PALLD: variants seen among roughly 807,000 people sequenced by gnomAD.
The protein encoded by PALLD is palladin, cytoskeletal associated protein.
A neutral mutation model predicts 123.5 loss-of-function variants in PALLD; 61 were observed. The observed-to-expected ratio is 0.49, with a 90% CI of 0.40 to 0.61. PALLD has a LOEUF of 0.61. Among genes scored for constraint, PALLD ranks in the 20% least tolerant of loss-of-function variants. The probability of loss-of-function intolerance (pLI) is 0.00; values close to 1 mark genes in which losing one functional copy is unlikely to be tolerated. For synonymous variants in PALLD, 465 were observed against 496.4 expected (o/e 0.94, Z 0.84); for missense variants, 1,273 against 1,377.0 (o/e 0.92, Z 1.20).
intron 2 of PALLD, among the ~76,000 whole-genome samples, chr4:168,569,082 A>G (rs568928943): frequency 6.6e-6 from 1 of 152,156 alleles, no homozygotes; most frequent in Non-Finnish European, 1.5e-5. Context: ...AAATATCTGT[A>G]GCAGCTCTAC....
At chr4:168,724,613 TAAA>T (rs1786363235) in intron 10 of PALLD, among the ~76,000 whole-genome samples, 1 of 152,262 alleles carries the variant, frequency 6.6e-6, no homozygotes, top group African/African-American at 2.4e-5. Flanking sequence ...ATGAACATAT[TAAA>T]TTGATTCTGT....
At chr4:168,623,219 A>G (rs1774928044) in intron 2 of PALLD, among the ~76,000 whole-genome samples, 1 of 152,218 alleles carries the variant, frequency 6.6e-6, no homozygotes, top group East Asian at 1.9e-4. Context: ...TACTACCTGA[A>G]GGATCCAAAG....
intron 10 of PALLD, among the ~76,000 whole-genome samples, chr4:168,827,092 G>C (rs1222655259): frequency 1.3e-5 from 2 of 152,194 alleles, no homozygotes; most frequent in Non-Finnish European, 2.9e-5. Context: ...CATAGCATTT[G>C]ATGTCCACTG....
intron 10 of PALLD, among the ~76,000 whole-genome samples, chr4:168,862,937 G>A (rs1749707403): frequency 6.6e-6 from 1 of 152,164 alleles, no homozygotes; most frequent in Non-Finnish European, 1.5e-5. Context: ...TTCCATGAGG[G>A]AGTGGGTCTG....
At chr4:168,692,650 A>G (rs955096254) in intron 8 of PALLD, among the ~76,000 whole-genome samples, 1 of 152,222 alleles carries the variant, frequency 6.6e-6, no homozygotes, top group African/African-American at 2.4e-5. Context: ...ATCTACAAGA[A>G]ATAGCTTTTT....
chr4:168,606,303 C>T (rs909740262), intron 2 of PALLD, among the ~76,000 whole-genome samples: 6 of 152,102 alleles, frequency 3.9e-5, no homozygotes, highest in African/African-American at 9.7e-5. Flanking sequence ...TTCAGACCCT[C>T]GCCACCCAGG....
intron 10 of PALLD, among the ~76,000 whole-genome samples, chr4:168,874,226 C>T (rs1343988902): frequency 6.6e-6 from 1 of 152,210 alleles, no homozygotes; most frequent in Non-Finnish European, 1.5e-5. Flanking sequence ...AACTGTGACT[C>T]TAGCCCTTTT....
At chr4:168,745,612 A>C (rs1481263046) in intron 10 of PALLD, among the ~76,000 whole-genome samples, 1 of 152,096 alleles carries the variant, frequency 6.6e-6, no homozygotes, top group East Asian at 1.9e-4. Flanking sequence ...TTAGAGTTTA[A>C]TGGTATTTTC....
At position 168,852,599 on chromosome 4, in the gene PALLD, C is replaced by T. The variant is rs563425881; in HGVS notation, c.1965-38323C>T. ...AAGGCTGCAGTGAGCCGTGACTATG[C>T]CACTGCACACTCCAGCCTGGGCAAC... On this transcript the variant is annotated intron_variant, in intron 10 of 21. Transcript: ENST00000505667. 4.6e-5 allele frequency among the ~76,000 whole-genome samples: 7 copies of T among 152,242 alleles called. No individual in the cohort carries two copies. In the East Asian group the frequency reaches 1.2e-3, roughly 25 times the overall value.
rs145438121 is a variant in PALLD at position 168,558,402 on chromosome 4, C to A, written c.908+45990C>A. ...GCCAGCCCTCTGGGTATCCCACATG[C>A]AAGGAAGGCATTTCAAAGCGGTAGA... On this transcript the variant is annotated intron_variant, in intron 2 of 21. Transcript: ENST00000505667. Among the ~76,000 whole-genome samples, 119 of 152,280 alleles carry A rather than the reference C, an allele frequency of 7.8e-4. 2 individuals are homozygous for A. Among genetic ancestry groups the A allele is most frequent in the African/African-American group, 2.6e-3 (107 of 41,552 alleles).
intron 10 of PALLD, among the ~76,000 whole-genome samples, chr4:168,785,607 A>G (rs1736599573): frequency 6.6e-6 from 1 of 151,864 alleles, no homozygotes; most frequent in Non-Finnish European, 1.5e-5. Flanking sequence ...AAAGTTCTAT[A>G]TAAGCTTAAT....
At chr4:168,786,246 T>C (rs1736737654) in intron 10 of PALLD, among the ~76,000 whole-genome samples, 1 of 152,054 alleles carries the variant, frequency 6.6e-6, no homozygotes, top group Admixed American at 6.6e-5. Context: ...GAGAATCGCT[T>C]GAACCCGGGA....
chr4:168,925,930 A>G (rs1762498495), intron 21 of PALLD, among the ~76,000 whole-genome samples: 1 of 149,640 alleles, frequency 6.7e-6, no homozygotes, highest in African/African-American at 2.5e-5. Flanking sequence ...CTTATCAGCT[A>G]TTCCAAAGGA....
chr4:168,771,656 C>T (rs766036158), intron 10 of PALLD, among the ~76,000 whole-genome samples: 2 of 152,164 alleles, frequency 1.3e-5, no homozygotes, highest in Non-Finnish European at 2.9e-5. Context: ...GGTGCCCACA[C>T]CATAGAGGGC....
intron 10 of PALLD, among the ~76,000 whole-genome samples, chr4:168,713,603 CTT>C (rs1785045693): frequency 2.6e-5 from 4 of 152,286 alleles, no homozygotes; most frequent in Admixed American, 2.6e-4. Context: ...TTTAGCTCTG[CTT>C]TGCAGCCAGG....
intron 2 of PALLD, among the ~76,000 whole-genome samples, chr4:168,597,565 T>C (rs890797211): frequency 3.9e-5 from 6 of 152,124 alleles, no homozygotes; most frequent in African/African-American, 1.4e-4. Context: ...ATACATTCTT[T>C]CTGAGTATCA....
chr4:168,697,939 T>A (rs1285274859), intron 8 of PALLD, among the ~76,000 whole-genome samples: 1 of 152,224 alleles, frequency 6.6e-6, no homozygotes, highest in Non-Finnish European at 1.5e-5. Context: ...GCAGCACTAT[T>A]CACAATAGTT....
chr4:168,740,488 C>G (rs1330928289), intron 10 of PALLD, among the ~76,000 whole-genome samples: 1 of 152,146 alleles, frequency 6.6e-6, no homozygotes, highest in Non-Finnish European at 1.5e-5. Flanking sequence ...TTTCCTCATG[C>G]TGTGGTTTTT....
intron 10 of PALLD, among the ~76,000 whole-genome samples, chr4:168,822,799 A>C (rs1554089494): frequency 6.6e-6 from 1 of 152,222 alleles, no homozygotes; most frequent in Non-Finnish European, 1.5e-5. Flanking sequence ...CCGCGCTTTG[A>C]TTATGAAGAG....
Sources: gnomAD v4.1 joint callset for allele counts (sites outside exome capture counted in the v4.1 genomes callset) on GRCh38, gnomAD v4.1.1 for gene constraint, MANE v1.5 for transcripts, NCBI Gene and HGNC (gene_info 2026-07-23, HGNC 2026-07-21) for gene names.